MCM3: variants seen among roughly 807,000 people sequenced by gnomAD.
MCM3 encodes DNA replication licensing factor MCM3.
Under a neutral mutation model 91.3 loss-of-function variants are expected in MCM3, and 59 were observed. That is an observed-to-expected ratio of 0.65 (90% CI 0.52 to 0.80). The LOEUF (loss-of-function observed/expected upper bound fraction) is 0.80. Among genes scored for constraint, MCM3 ranks in the 30% least tolerant of loss-of-function variants. The pLI is 0.00. For missense variants in MCM3, 919 were observed against 1,035.4 expected (o/e 0.89, Z 1.54); for synonymous variants, 383 against 379.6 (o/e 1.01, Z -0.10).
intron 7 of MCM3, 136 bp from the exon 8 acceptor site, chr6:52,277,334 T>A: frequency 9.8e-7 from 1 of 1,022,694 alleles, no homozygotes; most frequent in Non-Finnish European, 1.4e-6. Flanking sequence ...CGCTTTTCCC[T>A]TCACCACTCA....
In MCM3 at chr6:52,264,766, G is replaced by A; in HGVS notation, c.2249C>T (p.Ala750Val). 6.2e-7 allele frequency: 1 copy of A among 1,613,956 alleles called. No homozygotes were observed. The highest frequency in any genetic ancestry group is 8.5e-7 in the Non-Finnish European group (1 of 1,180,032). ...AGCTTCCCGGAACACATCCAAGAGG[G>A]CCACCTTGAATGCCTTCAACCTGCC... ...SESRLKAFKV[A>V]LLDVFREAHA... The change falls in exon 17 of 17, where the codon GCC becomes GTC. Residue 750 changes from alanine to valine, a missense_variant. Physicochemically the swap from Ala to Val is moderately conservative, Grantham distance 64. Coordinates refer to ENST00000596288, the MANE Select transcript of MCM3 (RefSeq NM_002388.6).
chr6:52,277,079 C>A lies in MCM3; in HGVS notation c.1153G>T (p.Asp385Tyr). ...GVGLTAAVTT[D>Y]QETGERRLEA... is the part of the protein sequence containing the mutation. ...CTTACACCCTTACCTGTTTCCTGGT[C>A]TGTGGTGACAGCAGCCGTCAGACCC... The change falls in exon 8 of 17, where the codon GAC becomes TAC. Residue 385 changes from aspartate to tyrosine, a missense_variant. Transcript: ENST00000596288. The A allele has an allele frequency of 6.2e-7, 1 of 1,613,926 alleles. No individual in the cohort carries two copies. The highest frequency in any genetic ancestry group is 1.1e-5 in the South Asian group (1 of 91,052).
chr6:52,283,029 A>G (rs1766266335), intron 2 of MCM3, among the ~76,000 whole-genome samples, 168 bp from the exon 3 acceptor site: 1 of 152,076 alleles, frequency 6.6e-6, no homozygotes, highest in South Asian at 2.1e-4. Context: ...GTAAAATACC[A>G]GAACTAAGGA....
At chr6:52,272,913 C>A (rs867263433) in intron 11 of MCM3, among the ~76,000 whole-genome samples, 1 of 152,208 alleles carries the variant, frequency 6.6e-6, no homozygotes, top group African/African-American at 2.4e-5. Context: ...TATCTGCTGA[C>A]CCTTCATCAC....
intron 12 of MCM3, among the ~76,000 whole-genome samples, chr6:52,271,739 G>C (rs1248452133): frequency 1.3e-5 from 2 of 152,196 alleles, no homozygotes; most frequent in Non-Finnish European, 2.9e-5. Flanking sequence ...TAACCATCAT[G>C]GTTGCCTGTT....
chr6:52,276,510 G>T, intron 8 of MCM3, 34 bp from the exon 9 acceptor site: 1 of 1,568,682 alleles, frequency 6.4e-7, no homozygotes. Context: ...ACGTGCTACA[G>T]TCTAGGTTAT....
intron 7 of MCM3, 56 bp downstream of exon 7, chr6:52,277,479 G>A (rs1765682431): frequency 1.3e-6 from 2 of 1,521,868 alleles, no homozygotes; most frequent in African/African-American, 2.8e-5. Context: ...CATATTATAG[G>A]TCTCCACAAC....
rs1167819403 is a variant in MCM3 at position 52,270,041 on chromosome 6, C to A, written c.1828-815G>T. On this transcript the variant is annotated intron_variant, in intron 12 of 16. Transcript: ENST00000596288. ...GCTGGGATCAGACATGAAACTACTT[C>A]CAGCCCGGACGTGGTGGCTCACATC... 3.3e-5 allele frequency among the ~76,000 whole-genome samples: 5 copies of A among 152,136 alleles called. No homozygotes were observed. In the East Asian group the frequency reaches 9.6e-4, roughly 29 times the overall value.
intron 9 of MCM3, among the ~76,000 whole-genome samples, chr6:52,274,558 C>T (rs937408686): frequency 2.6e-5 from 4 of 151,888 alleles, no homozygotes; most frequent in African/African-American, 7.3e-5. Flanking sequence ...CATGGTGGTA[C>T]GCATCTGTAG....
chr6:52,270,841 A>G (rs1254394529), intron 12 of MCM3, among the ~76,000 whole-genome samples: 2 of 152,218 alleles, frequency 1.3e-5, no homozygotes, highest in South Asian at 2.1e-4. Context: ...CCCACAGGTA[A>G]AAGTTGTGGG....
intron 4 of MCM3, among the ~76,000 whole-genome samples, chr6:52,281,017 T>C (rs1036424528): frequency 3.3e-5 from 5 of 152,244 alleles, no homozygotes; most frequent in African/African-American, 9.6e-5. Flanking sequence ...TAGCGCCTAA[T>C]AGTGCTTTGA....
Position 52,279,583 on chromosome 6 carries a change from G to A in MCM3, c.548C>T (p.Pro183Leu), listed in dbSNP as rs747922677. 2 of 1,612,916 alleles carry A rather than the reference G, an allele frequency of 1.2e-6. No homozygotes were observed. The highest frequency in any genetic ancestry group is 1.7e-5 in the Admixed American group (1 of 59,994). ...AGAAAGGCCATATTCTGTCTCAAGG[G>A]GATTGTTCTCCTCATCCTAGAAAAA... ...VYPTKDEENN[P>L]LETEYGLSVY... Residue 183 changes from proline (P) to leucine (L), a missense_variant, in exon 5 of 17, where the codon CCC becomes CTC. Transcript: ENST00000596288.
chr6:52,280,686 CA>C (rs1766013964), intron 4 of MCM3, among the ~76,000 whole-genome samples: 1 of 152,210 alleles, frequency 6.6e-6, no homozygotes, highest in Non-Finnish European at 1.5e-5. Flanking sequence ...GAGTACTTCC[CA>C]AGTACTTCCT....
chr6:52,284,486 G>A, intron 1 of MCM3, 111 bp downstream of exon 1: 1 of 960,198 alleles, frequency 1.0e-6, no homozygotes, highest in Non-Finnish European at 1.5e-6. Context: ...GGGCCCGGCA[G>A]GCTCCGCTGC....
At chr6:52,274,008 G>T in intron 9 of MCM3, 92 bp from the exon 10 acceptor site, 1 of 1,008,556 alleles carries the variant, frequency 9.9e-7, no homozygotes, top group Non-Finnish European at 1.5e-6. Context: ...GGAATGAAAG[G>T]CTTGACCTCA....
At chr6:52,273,679 T>C in intron 10 of MCM3, 63 bp downstream of exon 10, 1 of 1,519,796 alleles carries the variant, frequency 6.6e-7, no homozygotes, top group Non-Finnish European at 8.9e-7. Context: ...GGGTTGGGCC[T>C]GAGAAACTAC....
intron 13 of MCM3, among the ~76,000 whole-genome samples, chr6:52,268,533 G>C (rs549513751): frequency 1.3e-5 from 2 of 152,286 alleles, no homozygotes; most frequent in South Asian, 4.1e-4. Flanking sequence ...CACCAGACTG[G>C]GGTGGGAGTG....
In MCM3 at chr6:52,273,606, G is replaced by A; in HGVS notation, c.1549+136C>T. ...TACCCTCCACTAAGCAAGAAGGGGA[G>A]GTGGCTAAACAGTTGAGGGCTCTTC... On this transcript the variant is annotated intron_variant, in intron 10 of 16. Transcript: ENST00000596288. 4.4e-6 allele frequency: 4 copies of A among 905,040 alleles called. No homozygotes were observed. The South Asian group carries it at 6.9e-5, about 16-fold the overall frequency. The allele number at this position is 905,040 out of a possible 1,614,324, so 56.1% of individuals were successfully genotyped here.
chr6:52,283,155 AAAT>A, intron 2 of MCM3, 136 bp downstream of exon 2: 1 of 577,112 alleles, frequency 1.7e-6, no homozygotes, highest in Non-Finnish European at 2.9e-6. Context: ...AAAAAAAAAA[AAAT>A]AGGTGCAGGT....
Sources: allele counts gnomAD v4.1 joint callset (sites outside exome capture counted in the v4.1 genomes callset), GRCh38; gene constraint gnomAD v4.1.1; transcripts MANE v1.5; gene names NCBI Gene and HGNC (gene_info 2026-07-23, HGNC 2026-07-21).